Variants in CADPS2 observed in about 807,000 individuals in gnomAD.
CADPS2 encodes the protein calcium-dependent secretion activator 2.
CADPS2 carries 93 observed loss-of-function variants against 172.5 expected under a neutral mutation model. The observed-to-expected ratio is 0.54, with a 90% CI of 0.46 to 0.64. The LOEUF is 0.64. CADPS2 is among the 30% of genes least tolerant of loss of function. The pLI is 0.00. For missense variants in CADPS2, 1,420 were observed against 1,565.9 expected (o/e 0.91, Z 1.57); for synonymous variants, 546 against 555.2 (o/e 0.98, Z 0.23).
chr7:122,800,558 T>C (rs1387165082), intron 1 of CADPS2, among the ~76,000 whole-genome samples: 2 of 152,196 alleles, frequency 1.3e-5, no homozygotes, highest in African/African-American at 4.8e-5. Context: ...TTAATGCTGT[T>C]AACTGCCTGG....
intron 1 of CADPS2, among the ~76,000 whole-genome samples, chr7:122,838,830 T>A (rs950621784): frequency 2.6e-5 from 4 of 152,148 alleles, no homozygotes; most frequent in African/African-American, 9.7e-5. Flanking sequence ...GAAGAATCAA[T>A]ATCGTGAAAA....
intron 7 of CADPS2, among the ~76,000 whole-genome samples, chr7:122,567,760 T>C (rs1329643292): frequency 6.6e-6 from 1 of 152,112 alleles, no homozygotes; most frequent in African/African-American, 2.4e-5. Context: ...TTACTTGACT[T>C]AGCCTCTGAT....
At position 122,372,175 on chromosome 7, in the gene CADPS2, T is replaced by G. The variant is rs183093535; in HGVS notation, c.3387+7193A>C. ...AGTAACTTGACTAAGATCAGACAGC[T>G]AGTGGAGGAGTTGAAATTTGAACCC... On this transcript the variant is annotated intron_variant, in intron 25 of 29. Transcript: ENST00000449022. 7.9e-5 allele frequency among the ~76,000 whole-genome samples: 12 copies of G among 152,302 alleles called. No homozygotes were observed. The East Asian group carries it at 2.3e-3, about 29-fold the overall frequency.
intron 9 of CADPS2, among the ~76,000 whole-genome samples, chr7:122,512,359 TTG>T (rs2060065866): frequency 6.6e-6 from 1 of 152,142 alleles, no homozygotes; most frequent in African/African-American, 2.4e-5. Flanking sequence ...ACAGAATGTT[TTG>T]TGTTAAGAAT....
chr7:122,451,843 G>A (rs1156294984), intron 14 of CADPS2, among the ~76,000 whole-genome samples: 3 of 152,044 alleles, frequency 2.0e-5, no homozygotes, highest in South Asian at 2.1e-4. Flanking sequence ...AATAATGAAC[G>A]TAAGGTAAAA....
At chr7:122,485,285 G>A (rs2057692628) in intron 11 of CADPS2, among the ~76,000 whole-genome samples, 1 of 152,216 alleles carries the variant, frequency 6.6e-6, no homozygotes, top group Non-Finnish European at 1.5e-5. Flanking sequence ...AAGATAGGCT[G>A]AAAGCGAGGC....
chr7:122,631,922 A>C (rs2076616206), intron 3 of CADPS2, among the ~76,000 whole-genome samples: 1 of 152,144 alleles, frequency 6.6e-6, no homozygotes, highest in Non-Finnish European at 1.5e-5. Flanking sequence ...GCTTTCATTT[A>C]TAAGTGAGAA....
At position 122,319,660 on chromosome 7, in the gene CADPS2, A is replaced by G. The variant is rs1232847499; in HGVS notation, c.*505T>C. 1 of 152,452 alleles carries G rather than the reference A, an allele frequency of 6.6e-6. No individual in the cohort carries two copies. The highest frequency in any genetic ancestry group is 1.5e-5 in the Non-Finnish European group (1 of 68,232). 9.4% of individuals were successfully genotyped at this position (152,452 alleles called of 1,614,324 possible). On this transcript the variant is annotated 3_prime_UTR_variant, in exon 30 of 30. Transcript: ENST00000449022. ...GATTAAAGATTTTATACACATCACAATAATAGCAAATTAAGTACAAAACGA... is the reference window on the plus strand; with the variant it reads ...GATTAAAGATTTTATACACATCACAGTAATAGCAAATTAAGTACAAAACGA...
intron 7 of CADPS2, among the ~76,000 whole-genome samples, chr7:122,574,483 TAAG>T (rs1018910270): frequency 2.5e-5 from 3 of 121,410 alleles, no homozygotes; most frequent in African/African-American, 9.4e-5. Flanking sequence ...ATTTCTCAAC[TAAG>T]AAGTGTTGAT....
intron 1 of CADPS2, among the ~76,000 whole-genome samples, chr7:122,813,801 T>C (rs916906008): frequency 6.6e-6 from 1 of 152,142 alleles, no homozygotes; most frequent in South Asian, 2.1e-4. Context: ...GAATAGATTA[T>C]ATTTATTTTT....
intron 1 of CADPS2, among the ~76,000 whole-genome samples, chr7:122,836,288 A>G (rs1808384150): frequency 6.6e-6 from 1 of 152,204 alleles, no homozygotes. Flanking sequence ...AGCACTAAAC[A>G]TGGAAAGGAA....
At chr7:122,701,785 T>C (rs762389864) in intron 2 of CADPS2, 15 of 1,225,620 alleles carry the variant, frequency 1.2e-5, no homozygotes, top group Non-Finnish European at 1.7e-5. Context: ...ATCTAATCTT[T>C]GTATTTGGAA....
chr7:122,450,527 T>G (rs1250749075), intron 15 of CADPS2, among the ~76,000 whole-genome samples: 3 of 134,770 alleles, frequency 2.2e-5, no homozygotes, highest in Non-Finnish European at 4.7e-5. Context: ...TGGCCTTTTT[T>G]TTTTTTTTTT....
At chr7:122,509,195 T>C (rs1469379305) in intron 9 of CADPS2, among the ~76,000 whole-genome samples, 4 of 152,090 alleles carry the variant, frequency 2.6e-5, no homozygotes, top group Non-Finnish European at 2.9e-5. Context: ...GTGCTGAATA[T>C]TTCAGAAATC....
At chr7:122,323,533 T>C (rs2033064477) in intron 29 of CADPS2, among the ~76,000 whole-genome samples, 1 of 152,022 alleles carries the variant, frequency 6.6e-6, no homozygotes, top group African/African-American at 2.4e-5. Context: ...CTTGAGTATA[T>C]AAAAATTTTT....
chr7:122,512,820 T>G (rs1240647676), intron 9 of CADPS2, among the ~76,000 whole-genome samples: 1 of 152,116 alleles, frequency 6.6e-6, no homozygotes, highest in African/African-American at 2.4e-5. Flanking sequence ...ATCTCCAATA[T>G]CTTTTCAGAG....
intron 12 of CADPS2, 61 bp from the exon 13 acceptor site, chr7:122,474,578 A>G: frequency 2.7e-6 from 4 of 1,507,892 alleles, no homozygotes; most frequent in South Asian, 1.2e-5. Flanking sequence ...ATGGACATAC[A>G]AGTTGTGAAG....
intron 14 of CADPS2, among the ~76,000 whole-genome samples, chr7:122,468,473 T>A (rs1002782133): frequency 6.6e-6 from 1 of 152,212 alleles, no homozygotes; most frequent in African/African-American, 2.4e-5. Flanking sequence ...TATTTCTATT[T>A]AGCATGAGGT....
intron 17 of CADPS2, among the ~76,000 whole-genome samples, chr7:122,416,560 A>T (rs2151762206): frequency 6.6e-6 from 1 of 152,306 alleles, no homozygotes; most frequent in South Asian, 2.1e-4. Context: ...GGCATTAGCA[A>T]AACCCATGCT....
Sources: allele counts gnomAD v4.1 joint callset (sites outside exome capture counted in the v4.1 genomes callset), GRCh38; gene constraint gnomAD v4.1.1; transcripts MANE v1.5; gene names NCBI Gene and HGNC (gene_info 2026-07-23, HGNC 2026-07-21).